TMEM178B: variants seen among roughly 807,000 people sequenced by gnomAD.
TMEM178B encodes the protein transmembrane protein 178B.
TMEM178B carries 5 observed loss-of-function variants against 31.0 expected under a neutral mutation model. The observed-to-expected ratio is 0.16, with a 90% CI of 0.08 to 0.34. The LOEUF (loss-of-function observed/expected upper bound fraction) is 0.34. TMEM178B is among the 10% of genes least tolerant of loss of function. TMEM178B has a pLI of 1.00. For synonymous variants in TMEM178B, 164 were observed against 164.0 expected, an observed-to-expected ratio of 1.00 and a Z score of 0.00; for missense variants, 275 against 400.3, an observed-to-expected ratio of 0.69 and a Z score of 2.67.
At position 141,134,333 on chromosome 7, in the gene TMEM178B, A is replaced by G. The variant is rs370381280; in HGVS notation, c.382+59641A>G. ...AAAAGAAAAGCCATCAGCTAAGAAT[A>G]CTAAATCTAGTAAAGTTAGCTTTCA... On this transcript the variant is annotated intron_variant, in intron 1 of 3. Coordinates refer to ENST00000565468, the MANE Select transcript of TMEM178B (RefSeq NM_001195278.2). 3.9e-4 allele frequency among the ~76,000 whole-genome samples: 59 copies of G among 152,206 alleles called. 1 individual carries two copies. Among genetic ancestry groups the G allele is most frequent in the African/African-American group, 1.4e-3 (59 of 41,472 alleles).
At chr7:141,408,700 G>A (rs554329721) in intron 2 of TMEM178B, among the ~76,000 whole-genome samples, 55 of 152,334 alleles carry the variant, frequency 3.6e-4, no homozygotes, top group Non-Finnish European at 6.0e-4. Flanking sequence ...ACACCGTGTG[G>A]AAAGAACTAG....
intron 1 of TMEM178B, among the ~76,000 whole-genome samples, chr7:141,098,395 A>C (rs1023131852): frequency 4.6e-5 from 7 of 152,206 alleles, no homozygotes; most frequent in African/African-American, 1.4e-4. Flanking sequence ...TCAGGACACA[A>C]TTACAAATAT....
chr7:141,316,785 G>T (rs1176719179), intron 2 of TMEM178B, among the ~76,000 whole-genome samples: 1 of 152,204 alleles, frequency 6.6e-6, no homozygotes, highest in African/African-American at 2.4e-5. Context: ...ACTCCCTGCA[G>T]CTGGACATTT....
At chr7:141,486,303 G>A in the TMEM178B span, among the ~76,000 whole-genome samples, 1 of 152,132 alleles carries the variant, frequency 6.6e-6, no homozygotes, top group East Asian at 1.9e-4. Flanking sequence ...TGGGTACAAT[G>A]TACATTATTC....
At chr7:141,223,595 A>G (rs970821051) in intron 2 of TMEM178B, among the ~76,000 whole-genome samples, 1 of 150,656 alleles carries the variant, frequency 6.6e-6, no homozygotes, top group Non-Finnish European at 1.5e-5. Context: ...GTAGTTGTGC[A>G]TGGAATTCAG....
intron 2 of TMEM178B, among the ~76,000 whole-genome samples, chr7:141,331,613 T>G (rs1027878156): frequency 1.1e-4 from 17 of 152,116 alleles, no homozygotes; most frequent in Non-Finnish European, 2.4e-4. Context: ...GACAAAAAAT[T>G]GGATATAATG....
At chr7:141,470,394 C>A (rs1047838198) in intron 3 of TMEM178B, 142 bp from the exon 4 acceptor site, 9 of 780,410 alleles carry the variant, frequency 1.2e-5, no homozygotes, top group African/African-American at 1.8e-5. Flanking sequence ...TTGGTGATAA[C>A]CTGCTCTTAC....
intron 3 of TMEM178B, among the ~76,000 whole-genome samples, chr7:141,463,156 G>A (rs1191434506): frequency 6.6e-6 from 1 of 152,188 alleles, no homozygotes; most frequent in Non-Finnish European, 1.5e-5. Flanking sequence ...GCCAATGCCA[G>A]TGAGAGTCCT....
chr7:141,297,184 A>C (rs1798648810), intron 2 of TMEM178B: 2 of 152,196 alleles, frequency 1.3e-5, no homozygotes, highest in Admixed American at 6.5e-5. Context: ...TGAGAGGTTA[A>C]GGATATAATT....
intron 1 of TMEM178B, among the ~76,000 whole-genome samples, chr7:141,147,459 A>C (rs573433474): frequency 6.6e-6 from 1 of 152,280 alleles, no homozygotes; most frequent in African/African-American, 2.4e-5. Flanking sequence ...TTTGCATTTT[A>C]AAAAGAAAAA....
intron 1 of TMEM178B, among the ~76,000 whole-genome samples, chr7:141,195,830 G>A (rs563882823): frequency 8.2e-4 from 125 of 152,276 alleles, no homozygotes; most frequent in African/African-American, 2.9e-3. Flanking sequence ...AGCAGGAGGC[G>A]AAAGGCACTT....
chr7:141,149,420 C>T lies in TMEM178B; in HGVS notation c.383-63171C>T, dbSNP rs554645134. 8.5e-5 allele frequency among the ~76,000 whole-genome samples: 13 copies of T among 152,188 alleles called. No individual in the cohort carries two copies. The East Asian group carries it at 9.7e-4, about 11-fold the overall frequency. On this transcript the variant is annotated intron_variant, in intron 1 of 3. Transcript: ENST00000565468. ...AAAATTAGTGGAGCATGGTGGTGTA[C>T]GCTTGTAATTCCAGCTACTCAGGAG...
At chr7:141,278,098 A>G (rs1284029830) in intron 2 of TMEM178B, among the ~76,000 whole-genome samples, 1 of 152,232 alleles carries the variant, frequency 6.6e-6, no homozygotes, top group Non-Finnish European at 1.5e-5. Context: ...AGAATTGGGA[A>G]TATCTAAGAA....
chr7:141,497,314 T>C, the TMEM178B span, among the ~76,000 whole-genome samples: 1 of 152,158 alleles, frequency 6.6e-6, no homozygotes, highest in African/African-American at 2.4e-5. Flanking sequence ...CTGAGACAAC[T>C]CTCCTTCCCT....
At chr7:141,100,998 A>G (rs1795047262) in intron 1 of TMEM178B, among the ~76,000 whole-genome samples, 1 of 152,214 alleles carries the variant, frequency 6.6e-6, no homozygotes, top group Non-Finnish European at 1.5e-5. Flanking sequence ...TCATAGATAC[A>G]CATATTTTGA....
the TMEM178B span, among the ~76,000 whole-genome samples, chr7:141,506,007 G>C: frequency 6.6e-6 from 1 of 152,196 alleles, no homozygotes; most frequent in Non-Finnish European, 1.5e-5. Flanking sequence ...GAGGTTATGG[G>C]CCAGGTCCCT....
At chr7:141,494,178 AC>A in the TMEM178B span, among the ~76,000 whole-genome samples, 1 of 152,246 alleles carries the variant, frequency 6.6e-6, no homozygotes, top group Non-Finnish European at 1.5e-5. Context: ...GTACTTATCT[AC>A]CAAGAGGAGA....
At chr7:141,335,805 G>T (rs558365238) in intron 2 of TMEM178B, among the ~76,000 whole-genome samples, 1 of 151,996 alleles carries the variant, frequency 6.6e-6, no homozygotes, top group African/African-American at 2.4e-5. Flanking sequence ...CTGGGGAGAT[G>T]GTGTGTGTGT....
intron 3 of TMEM178B, among the ~76,000 whole-genome samples, chr7:141,456,380 G>C (rs1801963774): frequency 6.6e-6 from 1 of 152,182 alleles, no homozygotes; most frequent in Non-Finnish European, 1.5e-5. Flanking sequence ...ATTCTTGGTA[G>C]TGTACACTTT....
Sources: gnomAD v4.1 joint callset for allele counts (sites outside exome capture counted in the v4.1 genomes callset) on GRCh38, gnomAD v4.1.1 for gene constraint, MANE v1.5 for transcripts, NCBI Gene and HGNC (gene_info 2026-07-23, HGNC 2026-07-21) for gene names.